The following UBE2W variants were observed in gnomAD, a reference collection of about 807,000 sequenced individuals.
The protein encoded by UBE2W is ubiquitin conjugating enzyme E2 W, also known as ubiquitin-conjugating enzyme E2 W.
In UBE2W, 18 loss-of-function variants were observed where a neutral mutation model predicts 27.2. The observed-to-expected ratio is 0.66, with a 90% CI of 0.46 to 0.98. The LOEUF is 0.98. Ranked by LOEUF, UBE2W falls within the 50% of genes least tolerant of loss-of-function variation. UBE2W has a pLI of 0.00. For missense variants in UBE2W, 90 were observed against 180.2 expected (o/e 0.50, Z 2.87); for synonymous variants, 53 against 57.2 (o/e 0.93, Z 0.33).
At chr8:73,844,265 C>T (rs538672762) in intron 1 of UBE2W, among the ~76,000 whole-genome samples, 2 of 151,772 alleles carry the variant, frequency 1.3e-5, no homozygotes, top group African/African-American at 4.9e-5. Context: ...TCTCCTGCCT[C>T]AGCCTGCCAG....
chr8:73,786,930 G>T lies in UBE2W; in HGVS notation c.*7172C>A. ...TATGGAAACATAAAATTTTAATGTTGAATTGGCTATCTGCAGGATACAGCC... is the reference window on the plus strand; with the variant it reads ...TATGGAAACATAAAATTTTAATGTTTAATTGGCTATCTGCAGGATACAGCC... On this transcript the variant is annotated 3_prime_UTR_variant, in exon 6 of 6. Coordinates refer to ENST00000602593, the MANE Select transcript of UBE2W (RefSeq NM_018299.6). 1 of 985,376 alleles carries T rather than the reference G, an allele frequency of 1.0e-6. No individual in the cohort carries two copies. Among genetic ancestry groups the T allele is most frequent in the Non-Finnish European group, 1.2e-6 (1 of 829,922 alleles). 61.0% of individuals were successfully genotyped at this position (985,376 alleles called of 1,614,324 possible). A position where few individuals can be genotyped will look rare whatever the true frequency, so the allele number is the denominator to read the frequency against.
intron 1 of UBE2W, among the ~76,000 whole-genome samples, chr8:73,870,662 T>C (rs1230716535): frequency 6.6e-6 from 1 of 151,686 alleles, no homozygotes; most frequent in Non-Finnish European, 1.5e-5. Context: ...CTAGGTTACA[T>C]CCAAGAAAAT....
In UBE2W at chr8:73,787,826, AC is replaced by A; in HGVS notation, c.*6275del. 2 of 985,394 alleles carry A rather than the reference AC, an allele frequency of 2.0e-6. No individual in the cohort carries two copies. The highest frequency in any genetic ancestry group is 3.5e-5 in the African/African-American group (2 of 57,346). The allele number at this position is 985,394 out of a possible 1,614,324, so 61.0% of individuals were successfully genotyped here. A position where few individuals can be genotyped will look rare whatever the true frequency, so the allele number is the denominator to read the frequency against. ...GTTCAGGAACATCGGACTCACGATA[AC>A]TCTAAGCAAGTGCCTGGGTCTCCAT... On this transcript the variant is annotated 3_prime_UTR_variant, in exon 6 of 6. Transcript: ENST00000602593.
chr8:73,781,262 T>C (rs1362986359), downstream of UBE2W, among the ~76,000 whole-genome samples: 1 of 127,662 alleles, frequency 7.8e-6, no homozygotes, highest in Non-Finnish European at 1.6e-5. Flanking sequence ...ACAATGAGAC[T>C]CAGTCTCAAA....
chr8:73,851,962 T>TA (rs1811101133), intron 1 of UBE2W, among the ~76,000 whole-genome samples: 3 of 140,384 alleles, frequency 2.1e-5, no homozygotes, highest in Admixed American at 7.0e-5. Context: ...TTTTTTTTTT[T>TA]TAAAAAAAAA....
chr8:73,830,915 T>C (rs1810039346), intron 1 of UBE2W, among the ~76,000 whole-genome samples: 1 of 152,242 alleles, frequency 6.6e-6, no homozygotes, highest in African/African-American at 2.4e-5. Flanking sequence ...ATATTCTATA[T>C]ACATATTGCT....
intron 1 of UBE2W, among the ~76,000 whole-genome samples, chr8:73,874,941 A>C (rs1563642088): frequency 6.6e-6 from 1 of 152,104 alleles, no homozygotes; most frequent in African/African-American, 2.4e-5. Context: ...GGAGGCTGAG[A>C]TGGAAAAGAT....
At chr8:73,858,014 C>T (rs183329072) in intron 1 of UBE2W, among the ~76,000 whole-genome samples, 48 of 152,024 alleles carry the variant, frequency 3.2e-4, no homozygotes, top group African/African-American at 1.2e-3. Context: ...CACCTGAGGT[C>T]AGGTGATTGA....
intron 5 of UBE2W, among the ~76,000 whole-genome samples, chr8:73,797,140 G>C (rs561568113): frequency 6.6e-6 from 1 of 152,142 alleles, no homozygotes; most frequent in African/African-American, 2.4e-5. Context: ...ACCTACCATG[G>C]CTAACTTCAC....
chr8:73,856,678 C>T (rs1235070406), intron 1 of UBE2W, among the ~76,000 whole-genome samples: 4 of 151,714 alleles, frequency 2.6e-5, no homozygotes, highest in Admixed American at 2.6e-4. Flanking sequence ...TCTAAGCACT[C>T]TTTACACAGA....
At chr8:73,864,047 T>C (rs1811640072) in intron 1 of UBE2W, among the ~76,000 whole-genome samples, 2 of 152,102 alleles carry the variant, frequency 1.3e-5, no homozygotes, top group Admixed American at 6.6e-5. Flanking sequence ...CATTACCTTT[T>C]ACTAGTTTTA....
intron 5 of UBE2W, chr8:73,795,702 A>G (rs1252165092): frequency 5.1e-6 from 4 of 782,326 alleles, no homozygotes; most frequent in Admixed American, 6.3e-5. Context: ...TTAAAAATAA[A>G]TCATCCCTAA....
At chr8:73,820,792 AT>A (rs1178978581) in intron 3 of UBE2W, among the ~76,000 whole-genome samples, 2 of 151,960 alleles carry the variant, frequency 1.3e-5, no homozygotes, top group Non-Finnish European at 2.9e-5. Context: ...AAAAAACAAA[AT>A]AAAAAAACCA....
intron 1 of UBE2W, among the ~76,000 whole-genome samples, chr8:73,832,181 C>G (rs1810097236): frequency 6.7e-6 from 1 of 150,158 alleles, no homozygotes; most frequent in African/African-American, 2.5e-5. Flanking sequence ...TGCACCTGTA[C>G]TCCCAGGTAC....
intron 1 of UBE2W, among the ~76,000 whole-genome samples, chr8:73,844,091 T>C (rs1490608140): frequency 1.3e-5 from 2 of 152,152 alleles, no homozygotes; most frequent in Admixed American, 6.5e-5. Context: ...CTAAGCAGCA[T>C]AAACAAGAAA....
intron 3 of UBE2W, among the ~76,000 whole-genome samples, chr8:73,820,406 A>G (rs1051451376): frequency 7.9e-5 from 12 of 152,178 alleles, no homozygotes; most frequent in Non-Finnish European, 1.5e-4. Context: ...ATATTAGAAT[A>G]TACAACCTCT....
At chr8:73,841,882 A>T (rs1225223573) in intron 1 of UBE2W, among the ~76,000 whole-genome samples, 3 of 152,052 alleles carry the variant, frequency 2.0e-5, no homozygotes, top group African/African-American at 7.3e-5. Flanking sequence ...GGGCAAAGAG[A>T]CAACAATGAA....
intron 1 of UBE2W, among the ~76,000 whole-genome samples, chr8:73,837,667 T>C (rs1810364823): frequency 6.6e-6 from 1 of 152,252 alleles, no homozygotes; most frequent in Non-Finnish European, 1.5e-5. Context: ...CTGCCTGGCC[T>C]GGTCTCAAGT....
At chr8:73,848,761 G>A (rs1210818072) in intron 1 of UBE2W, among the ~76,000 whole-genome samples, 4 of 152,114 alleles carry the variant, frequency 2.6e-5, no homozygotes, top group African/African-American at 4.8e-5. Flanking sequence ...GCTTAGGAAC[G>A]GACATAAGGG....
Sources: allele counts gnomAD v4.1 joint callset (sites outside exome capture counted in the v4.1 genomes callset), GRCh38; gene constraint gnomAD v4.1.1; transcripts MANE v1.5; gene names NCBI Gene and HGNC (gene_info 2026-07-23, HGNC 2026-07-21).